DIAPH2: variants seen among roughly 807,000 people sequenced by gnomAD.
DIAPH2 encodes protein diaphanous homolog 2.
A neutral mutation model predicts 92.7 loss-of-function variants in DIAPH2; 35 were observed. The observed-to-expected ratio is 0.38, with a 90% CI of 0.29 to 0.50. The LOEUF (loss-of-function observed/expected upper bound fraction) is 0.50, where lower values mean the gene tolerates loss of function less well. DIAPH2 is among the 20% of genes least tolerant of loss of function. The pLI is 0.94. For missense variants in DIAPH2, 701 were observed against 819.5 expected, an observed-to-expected ratio of 0.86 and a Z score of 1.77; for synonymous variants, 301 against 280.4, an observed-to-expected ratio of 1.07 and a Z score of -0.73.
At chrX:97,235,015 G>A (rs748935510) in intron 22 of DIAPH2, among the ~76,000 whole-genome samples, 2 of 112,365 alleles carry the variant, frequency 1.8e-5, no homozygotes, top group East Asian at 5.6e-4. Flanking sequence ...ATTTGTGCTT[G>A]TATATATTTT....
intron 23 of DIAPH2, among the ~76,000 whole-genome samples, chrX:97,286,168 G>T (rs992602782): frequency 2.8e-5 from 3 of 106,197 alleles, no homozygotes. Context: ...AGCCTCCCAA[G>T]TAGGATTACA....
chrX:96,746,764 C>T (rs1402146743), intron 3 of DIAPH2, among the ~76,000 whole-genome samples: 2 of 110,484 alleles, frequency 1.8e-5, no homozygotes, highest in Non-Finnish European at 3.8e-5. Flanking sequence ...CCAGGCTGAT[C>T]TTGAACTCCT....
intron 23 of DIAPH2, among the ~76,000 whole-genome samples, chrX:97,253,655 C>G (rs1296685162): frequency 9.0e-6 from 1 of 110,723 alleles, no homozygotes; most frequent in East Asian, 2.8e-4. Context: ...GAGGCTGAGG[C>G]AGAAGAATCG....
Position 96,751,647 on chromosome X carries a change from G to GTTTTTTT in DIAPH2, c.343-6503_343-6502insTTTTTTT, listed in dbSNP as rs1332024432. Among the ~76,000 whole-genome samples the GTTTTTTT allele has an allele frequency of 3.1e-4, 26 of 85,014 alleles. 1 individual carries two copies. The highest frequency in any genetic ancestry group is 8.0e-4 in the African/African-American group (18 of 22,636). 73.8% of individuals were successfully genotyped at this position (85,014 alleles called of 115,157 possible). ...TATAAATGGTCAACTAGACTTCAGT[G>GTTTTTTT]TTTTGTTTTTTTTTTTTTTTTTTTG... On this transcript the variant is annotated intron_variant, in intron 3 of 26. Transcript: ENST00000324765.
At chrX:97,516,620 G>A (rs933599588) in intron 26 of DIAPH2, among the ~76,000 whole-genome samples, 6 of 112,264 alleles carry the variant, frequency 5.3e-5, no homozygotes, top group South Asian at 3.7e-4. Flanking sequence ...AGGAGGCAAC[G>A]CAGCTTGTTT....
chrX:97,111,120 T>C (rs2066977654), intron 20 of DIAPH2, among the ~76,000 whole-genome samples: 1 of 112,547 alleles, frequency 8.9e-6, no homozygotes, highest in Non-Finnish European at 1.9e-5. Flanking sequence ...TGCTTTTTAC[T>C]CTACCTTCCC....
intron 22 of DIAPH2, among the ~76,000 whole-genome samples, chrX:97,173,388 G>C (rs1437171356): frequency 9.0e-6 from 1 of 111,670 alleles, no homozygotes; most frequent in African/African-American, 3.3e-5. Context: ...ATGACACAGA[G>C]AGACCCAGTC....
At chrX:97,384,190 G>A in intron 25 of DIAPH2, 146 bp downstream of exon 25, 1 of 494,255 alleles carries the variant, frequency 2.0e-6, no homozygotes, top group Non-Finnish European at 3.3e-6. Context: ...GATGCTATGT[G>A]TGGTTTCCTA....
In DIAPH2 at chrX:97,507,421, A is replaced by G. The variant is rs762266876; in HGVS notation, c.3241+77676A>G. On this transcript the variant is annotated intron_variant, in intron 26 of 26. Transcript: ENST00000324765. ...TCCCTAGATAATTTTTAGACCAAAA[A>G]CTCAAACACTACTTACTTGTCAAGA... 3.6e-5 allele frequency among the ~76,000 whole-genome samples: 4 copies of G among 110,685 alleles called. No individual in the cohort carries two copies. In the East Asian group the frequency reaches 1.1e-3, roughly 31 times the overall value.
At chrX:97,577,715 G>C (rs983079883) in intron 26 of DIAPH2, among the ~76,000 whole-genome samples, 2 of 111,886 alleles carry the variant, frequency 1.8e-5, no homozygotes, top group African/African-American at 3.2e-5. Flanking sequence ...TAGAGAATGG[G>C]AGAAAATCTG....
intron 26 of DIAPH2, among the ~76,000 whole-genome samples, chrX:97,563,675 C>G (rs1226216059): frequency 9.0e-6 from 1 of 111,379 alleles, no homozygotes; most frequent in Non-Finnish European, 1.9e-5. Flanking sequence ...CCTGAGTGGG[C>G]CGAGAAGTGG....
intron 5 of DIAPH2, among the ~76,000 whole-genome samples, chrX:96,895,426 C>G (rs1294360334): frequency 1.8e-5 from 2 of 112,042 alleles, no homozygotes; most frequent in African/African-American, 6.5e-5. Flanking sequence ...TGGACACATA[C>G]TGCAGAGGTC....
At chrX:97,157,005 T>C (rs950186045) in intron 22 of DIAPH2, among the ~76,000 whole-genome samples, 1 of 111,158 alleles carries the variant, frequency 9.0e-6, no homozygotes, top group East Asian at 2.8e-4. Flanking sequence ...GGCTGCATGG[T>C]TAAGGGAACA....
chrX:96,857,482 GAAAC>G (rs1349305050), intron 4 of DIAPH2, among the ~76,000 whole-genome samples: 1 of 112,346 alleles, frequency 8.9e-6, no homozygotes, highest in African/African-American at 3.2e-5. Context: ...TATTTTCAGA[GAAAC>G]AATCTGTTGA....
At chrX:96,973,937 C>T (rs953374764) in intron 17 of DIAPH2, among the ~76,000 whole-genome samples, 3 of 111,285 alleles carry the variant, frequency 2.7e-5, no homozygotes, top group Non-Finnish European at 3.8e-5. Context: ...TCAGGTGATC[C>T]GCCCTCCTCA....
In DIAPH2 at chrX:96,855,999, G is replaced by A. The variant is rs890044442; in HGVS notation, c.448-25580G>A. Among the ~76,000 whole-genome samples the A allele has an allele frequency of 3.6e-5, 4 of 111,853 alleles. No individual in the cohort carries two copies. In the Admixed American group the frequency reaches 3.8e-4, roughly 11 times the overall value. On this transcript the variant is annotated intron_variant, in intron 4 of 26. Coordinates refer to ENST00000324765, the MANE Select transcript of DIAPH2 (RefSeq NM_006729.5). ...CATTGATTCAAACTGTCTGTAAATGGAGTATTGAGAAGGAATATGACAGCC... is the reference window on the plus strand; with the variant it reads ...CATTGATTCAAACTGTCTGTAAATGAAGTATTGAGAAGGAATATGACAGCC...
intron 17 of DIAPH2, among the ~76,000 whole-genome samples, chrX:96,984,985 G>A (rs1274407134): frequency 1.8e-5 from 2 of 111,509 alleles, no homozygotes; most frequent in Non-Finnish European, 3.8e-5. Flanking sequence ...GAGATTAAGT[G>A]ACTTAGCTAA....
At chrX:96,850,322 T>C (rs2064999406) in intron 4 of DIAPH2, among the ~76,000 whole-genome samples, 1 of 112,362 alleles carries the variant, frequency 8.9e-6, no homozygotes, top group Admixed American at 9.4e-5. Context: ...TAATCTTTAT[T>C]GAGCACTTAC....
intron 5 of DIAPH2, among the ~76,000 whole-genome samples, chrX:96,887,077 C>T (rs754076831): frequency 9.0e-6 from 1 of 110,541 alleles, no homozygotes; most frequent in African/African-American, 3.3e-5. Flanking sequence ...TAAAATTACT[C>T]CTCCCAACGC....
Sources: gnomAD v4.1 joint callset for allele counts (sites outside exome capture counted in the v4.1 genomes callset) on GRCh38, gnomAD v4.1.1 for gene constraint, MANE v1.5 for transcripts, NCBI Gene and HGNC (gene_info 2026-07-23, HGNC 2026-07-21) for gene names.